RPS8: variants seen among roughly 807,000 people sequenced by gnomAD.
RPS8 encodes small ribosomal subunit protein eS8.
For missense variants in RPS8, 141 were observed against 269.7 expected (o/e 0.52, Z 3.34); for synonymous variants, 100 against 100.7 (o/e 0.99, Z 0.04).
chr1:44,778,144 G>T lies in RPS8; in HGVS notation c.517+15G>T. ...CAAGCTTCTTGGTGAGAAGGCTGTT[G>T]TGTTGGAGGTGGGGAGTCGCAGAGA... On this transcript the variant is annotated intron_variant, in intron 5 of 5. Coordinates refer to ENST00000396651, the MANE Select transcript of RPS8 (RefSeq NM_001012.2). 1 of 1,589,166 alleles carries T rather than the reference G, an allele frequency of 6.3e-7. No homozygotes were observed. The highest frequency in any genetic ancestry group is 8.6e-7 in the Non-Finnish European group (1 of 1,167,816).
At chr1:44,777,877 G>T in intron 4 of RPS8, 88 bp downstream of exon 4, 1 of 1,579,064 alleles carries the variant, frequency 6.3e-7, no homozygotes. Context: ...TTCTGCTACT[G>T]AAGGGAGAGA....
intron 4 of RPS8, 35 bp downstream of exon 4, chr1:44,777,824 G>A: frequency 6.2e-7 from 1 of 1,609,994 alleles, no homozygotes; most frequent in South Asian, 1.1e-5. Flanking sequence ...TTGTGGGGAG[G>A]GCAGCCTGAC....
intron 2 of RPS8, 97 bp downstream of exon 2, chr1:44,776,237 TG>T: frequency 1.1e-6 from 1 of 869,574 alleles, no homozygotes; most frequent in Non-Finnish European, 1.8e-6. Flanking sequence ...CGTTCTTTCT[TG>T]GGCTCTGATT....
chr1:44,776,436 T>G (rs1650856083), intron 2 of RPS8: 5 of 754,080 alleles, frequency 6.6e-6, no homozygotes, highest in Non-Finnish European at 1.2e-5. Context: ...AGTCTTGTTT[T>G]TTTTACAGAG....
rs768381254 is a variant in RPS8 at position 44,776,049 on chromosome 1, A to G, written c.20A>G (p.Asn7Ser). The G allele has an allele frequency of 6.2e-7, 1 of 1,612,282 alleles. No individual in the cohort carries two copies. Among genetic ancestry groups the G allele is most frequent in the Admixed American group, 1.7e-5 (1 of 59,524 alleles). MGISRDNWHKRRKTGGK... is the reference protein window; with the variant it reads MGISRDSWHKRRKTGGK... ...CCACATGCAGGCATCTCTCGGGACAACTGGCACAAGCGCCGCAAAACCGGG... is the reference window on the plus strand; with the variant it reads ...CCACATGCAGGCATCTCTCGGGACAGCTGGCACAAGCGCCGCAAAACCGGG... Residue 7 changes from asparagine to serine, a missense_variant, in exon 2 of 6, where the codon AAC becomes AGC. Physicochemically the swap from Asn to Ser is conservative, Grantham distance 46. Coordinates refer to ENST00000396651, the MANE Select transcript of RPS8 (RefSeq NM_001012.2).
intron 4 of RPS8, 48 bp downstream of exon 4, chr1:44,777,837 C>T: frequency 6.3e-7 from 1 of 1,599,092 alleles, no homozygotes; most frequent in East Asian, 2.2e-5. Context: ...AGCCTGACTC[C>T]AGCCTTCTCG....
At chr1:44,776,916 G>A in intron 3 of RPS8, 142 bp downstream of exon 3, 2 of 580,050 alleles carry the variant, frequency 3.4e-6, no homozygotes, top group Non-Finnish European at 6.0e-6. Flanking sequence ...GAGGTCAGGA[G>A]TTCGAGTCCA....
intron 1 of RPS8, 60 bp from the exon 2 acceptor site, chr1:44,775,974 G>A (rs1468311486): frequency 2.0e-6 from 3 of 1,516,200 alleles, no homozygotes; most frequent in Non-Finnish European, 1.8e-6. Flanking sequence ...TCCGGGAGCT[G>A]GCGAGTCGCT....
intron 1 of RPS8, 83 bp from the exon 2 acceptor site, chr1:44,775,951 C>T (rs749297035): frequency 2.5e-5 from 34 of 1,336,752 alleles, no homozygotes; most frequent in Non-Finnish European, 3.2e-5. Context: ...GCGACCGGCC[C>T]GGCGCGGGGG....
Position 44,775,556 on chromosome 1 carries a change from C to G in RPS8, c.-41C>G, listed in dbSNP as rs918851818. On this transcript the variant is annotated 5_prime_UTR_variant, in exon 1 of 6. Coordinates refer to ENST00000396651, the MANE Select transcript of RPS8 (RefSeq NM_001012.2). The stretch of plus-strand genomic sequence containing the variant: ...CGGGGCAGCGTTTTACAAACCGAAC[C>G]GTGAATCTTTGCGGTTTCTCTTTCC... 2 of 1,613,858 alleles carry G rather than the reference C, an allele frequency of 1.2e-6. No individual in the cohort carries two copies. The highest frequency in any genetic ancestry group is 4.5e-5 in the East Asian group (2 of 44,874).
intron 5 of RPS8, 125 bp from the exon 6 acceptor site, chr1:44,778,450 CT>C: frequency 1.2e-6 from 1 of 842,058 alleles, no homozygotes; most frequent in East Asian, 2.4e-5. Context: ...TAAAGTGTGT[CT>C]GAGGAGACAG....
At chr1:44,776,364 G>A in intron 2 of RPS8, 4 of 689,000 alleles carry the variant, frequency 5.8e-6, no homozygotes, top group Middle Eastern at 4.1e-4. Flanking sequence ...CAGAGAGAAG[G>A]ATACTGTGTG....
At chr1:44,777,840 C>G in intron 4 of RPS8, 51 bp downstream of exon 4, 1 of 1,595,040 alleles carries the variant, frequency 6.3e-7, no homozygotes, top group Non-Finnish European at 8.6e-7. Flanking sequence ...CTGACTCCAG[C>G]CTTCTCGTGA....
chr1:44,775,767 T>A (rs907035242), intron 1 of RPS8, 167 bp downstream of exon 1: 39 of 985,942 alleles, frequency 4.0e-5, no homozygotes, highest in Non-Finnish European at 5.6e-5. Context: ...CTCTGGGGGC[T>A]GCGAAGGCTC....
chr1:44,776,520 G>T (rs1047093356), intron 2 of RPS8, 155 bp from the exon 3 acceptor site: 4 of 776,802 alleles, frequency 5.1e-6, no homozygotes, highest in East Asian at 2.4e-5. Context: ...ATCCTTAGGC[G>T]TGGTTGTGGC....
intron 1 of RPS8, 145 bp downstream of exon 1, chr1:44,775,745 C>T: frequency 8.8e-7 from 1 of 1,131,734 alleles, no homozygotes; most frequent in Non-Finnish European, 1.3e-6. Context: ...GGGTTTCGGC[C>T]GCCCAGCCCG....
intron 5 of RPS8, 28 bp from the exon 6 acceptor site, chr1:44,778,548 G>A (rs747670501): frequency 6.3e-7 from 1 of 1,583,262 alleles, no homozygotes; most frequent in South Asian, 1.1e-5. Flanking sequence ...CCTTGTCGTT[G>A]TGCTAAGGAT....
chr1:44,776,649 A>G, intron 2 of RPS8, 26 bp from the exon 3 acceptor site: 1 of 1,600,926 alleles, frequency 6.2e-7, no homozygotes, highest in Non-Finnish European at 8.6e-7. Context: ...TTGGTAACCT[A>G]GTTCCTGTAA....
chr1:44,778,230 T>G lies in RPS8; in HGVS notation c.517+101T>G. 2.8e-6 allele frequency: 4 copies of G among 1,428,318 alleles called. No individual in the cohort carries two copies. The South Asian group carries it at 3.6e-5, about 13-fold the overall frequency. The allele number at this position is 1,428,318 out of a possible 1,614,324, so 88.5% of individuals were successfully genotyped here. ...TCCTTTGACTGCCAGCCATGCAGTC[T>G]AAAGGGTTCACTGATAACAGGCTGC... On this transcript the variant is annotated intron_variant, in intron 5 of 5. Transcript: ENST00000396651.
Sources: allele counts gnomAD v4.1 joint callset, GRCh38; gene constraint gnomAD v4.1.1; transcripts MANE v1.5; gene names NCBI Gene and HGNC (gene_info 2026-07-23, HGNC 2026-07-21).